IPCEF1: variants seen among roughly 807,000 people sequenced by gnomAD.
IPCEF1 encodes the protein interaction protein for cytohesin exchange factors 1.
Under a neutral mutation model 50.9 loss-of-function variants are expected in IPCEF1, and 31 were observed. The observed-to-expected ratio is 0.61, with a 90% CI of 0.46 to 0.82. The LOEUF (loss-of-function observed/expected upper bound fraction) is 0.82, where lower values mean the gene tolerates loss of function less well. IPCEF1 is among the 40% of genes least tolerant of loss of function. The pLI is 0.00. For missense variants in IPCEF1, 458 were observed against 514.0 expected (o/e 0.89, Z 1.05); for synonymous variants, 181 against 192.0 (o/e 0.94, Z 0.47).
At chr6:154,214,043 T>A (rs946170368) in intron 8 of IPCEF1, among the ~76,000 whole-genome samples, 175 bp downstream of exon 8, 4 of 152,204 alleles carry the variant, frequency 2.6e-5, no homozygotes, top group Non-Finnish European at 5.9e-5. Context: ...CTCTATTCCA[T>A]GTTGGTGAGT....
chr6:154,225,990 C>A (rs1042893663), intron 5 of IPCEF1, among the ~76,000 whole-genome samples: 7 of 152,214 alleles, frequency 4.6e-5, no homozygotes, highest in African/African-American at 1.7e-4. Flanking sequence ...CCCTCTGGAG[C>A]CACCCTGATG....
intron 1 of IPCEF1, among the ~76,000 whole-genome samples, chr6:154,339,475 A>G (rs749387141): frequency 1.3e-4 from 19 of 147,464 alleles, no homozygotes; most frequent in Non-Finnish European, 2.7e-4. Context: ...GCGTCTTGCT[A>G]TATTGCCCAA....
intron 1 of IPCEF1, among the ~76,000 whole-genome samples, chr6:154,298,519 T>C (rs77269592): frequency 1.3e-5 from 2 of 152,202 alleles, no homozygotes; most frequent in African/African-American, 4.8e-5. Flanking sequence ...TATTTGTTCA[T>C]TGAAGAAACA....
Position 154,281,487 on chromosome 6 carries a change from A to G in IPCEF1, c.-18+8226T>C, listed in dbSNP as rs184914918. The stretch of plus-strand genomic sequence containing the variant: ...GTTGCAGTGAGCCATACTGCACTCT[A>G]GCCTGGATAACAATGTGAAAGCTTG... On this transcript the variant is annotated intron_variant, in intron 2 of 11. Coordinates refer to ENST00000367220, the MANE Select transcript of IPCEF1 (RefSeq NM_001130700.2). 2.9e-3 allele frequency among the ~76,000 whole-genome samples: 440 copies of G among 152,290 alleles called. 9 individuals are homozygous for G. The highest frequency in any genetic ancestry group is 6.0e-4 in the Non-Finnish European group (41 of 68,020).
intron 2 of IPCEF1, among the ~76,000 whole-genome samples, chr6:154,288,382 G>A (rs756942141): frequency 2.4e-4 from 36 of 152,252 alleles, no homozygotes; most frequent in Non-Finnish European, 8.8e-5. Context: ...AACTGTGGGC[G>A]GCCGGGCGCG....
At chr6:154,177,446 AAAAC>A (rs1224959863) in intron 10 of IPCEF1, among the ~76,000 whole-genome samples, 5 of 152,228 alleles carry the variant, frequency 3.3e-5, no homozygotes, top group African/African-American at 7.2e-5. Context: ...TTATAAGAAA[AAAAC>A]AAACAACCCC....
At chr6:154,222,955 G>C (rs572414202) in intron 6 of IPCEF1, 1 of 583,274 alleles carries the variant, frequency 1.7e-6, no homozygotes, top group African/African-American at 1.9e-5. Context: ...ACTTCGTGGG[G>C]GTTTTAAAAT....
chr6:154,212,921 A>G, intron 8 of IPCEF1, 66 bp from the exon 9 acceptor site: 1 of 1,115,358 alleles, frequency 9.0e-7, no homozygotes. Context: ...ATGCATGAGC[A>G]GAGGTTTATC....
At position 154,295,273 on chromosome 6, in the gene IPCEF1, C is replaced by T. The variant is rs561376686; in HGVS notation, c.-61-5517G>A. 2.0e-5 allele frequency among the ~76,000 whole-genome samples: 3 copies of T among 152,346 alleles called. No homozygotes were observed. The South Asian group carries it at 6.2e-4, about 32-fold the overall frequency. On this transcript the variant is annotated intron_variant, in intron 1 of 11. Transcript: ENST00000367220. ...TTGTACAGTCATGTGCTAGATGCTG[C>T]TCATGCATTAAGTATTCATTTTCAC...
Position 154,158,572 on chromosome 6 carries a change from A to C in IPCEF1, c.*1256T>G, listed in dbSNP as rs555084722. 96 of 152,308 alleles carry C rather than the reference A, an allele frequency of 6.3e-4. No individual in the cohort carries two copies. Among genetic ancestry groups the C allele is most frequent in the African/African-American group, 2.3e-3 (94 of 41,584 alleles). The allele number at this position is 152,308 out of a possible 1,614,324, so 9.4% of individuals were successfully genotyped here. On this transcript the variant is annotated 3_prime_UTR_variant, in exon 12 of 12. Coordinates refer to ENST00000367220, the MANE Select transcript of IPCEF1 (RefSeq NM_001130700.2). ...GATAGAAATCTAAATTTAAGAGCTCATGGGGGTTGGGGTGGGGAAGAAAAT... is the reference window on the plus strand; with the variant it reads ...GATAGAAATCTAAATTTAAGAGCTCCTGGGGGTTGGGGTGGGGAAGAAAAT...
intron 3 of IPCEF1, among the ~76,000 whole-genome samples, chr6:154,263,403 T>C (rs1328635955): frequency 7.1e-6 from 1 of 140,220 alleles, no homozygotes; most frequent in Non-Finnish European, 1.5e-5. Flanking sequence ...CCTTCCGCAG[T>C]GTTTGTGTCC....
intron 10 of IPCEF1, among the ~76,000 whole-genome samples, chr6:154,172,681 G>A (rs1281157688): frequency 1.3e-5 from 2 of 152,250 alleles, no homozygotes; most frequent in Admixed American, 6.5e-5. Context: ...GGAGCCCACT[G>A]CAGCTCAGCA....
chr6:154,235,400 C>T lies in IPCEF1; in HGVS notation c.246+11191G>A, dbSNP rs549280679. Reference sequence around the variant, plus strand: ...ACAAAAAATTAGCTGGGTGTGGTGGCGGGTGCCTGTAGTCCCAGCTACTCG... The same window carrying T: ...ACAAAAAATTAGCTGGGTGTGGTGGTGGGTGCCTGTAGTCCCAGCTACTCG... On this transcript the variant is annotated intron_variant, in intron 5 of 11. Transcript: ENST00000367220. Among the ~76,000 whole-genome samples the T allele has an allele frequency of 5.2e-3, 796 of 151,904 alleles. 2 individuals carry two copies. The highest frequency in any genetic ancestry group is 0.017 in the African/African-American group (703 of 41,410).
intron 1 of IPCEF1, among the ~76,000 whole-genome samples, chr6:154,352,374 G>A (rs371697163): frequency 1.3e-5 from 2 of 152,150 alleles, no homozygotes; most frequent in African/African-American, 4.8e-5. Flanking sequence ...CTGGGTTTTT[G>A]TTTCTTCAAT....
chr6:154,343,642 T>G (rs1783964800), intron 1 of IPCEF1, among the ~76,000 whole-genome samples: 1 of 152,166 alleles, frequency 6.6e-6, no homozygotes, highest in African/African-American at 2.4e-5. Context: ...ACTCACTCTG[T>G]CTCTAAAATT....
intron 10 of IPCEF1, among the ~76,000 whole-genome samples, chr6:154,178,118 A>G (rs929168735): frequency 6.7e-6 from 1 of 148,618 alleles, no homozygotes; most frequent in African/African-American, 2.5e-5. Flanking sequence ...GGAGGGGAAC[A>G]TCACAGACTG....
chr6:154,179,185 G>A (rs1444847647), intron 10 of IPCEF1, among the ~76,000 whole-genome samples: 3 of 152,158 alleles, frequency 2.0e-5, no homozygotes, highest in Non-Finnish European at 4.4e-5. Context: ...AGGTACAAGT[G>A]CAAAAGAAAA....
At chr6:154,291,655 TTAA>T (rs1174964499) in intron 1 of IPCEF1, among the ~76,000 whole-genome samples, 7 of 151,782 alleles carry the variant, frequency 4.6e-5, no homozygotes, top group Non-Finnish European at 8.8e-5. Context: ...ACTATAGTTA[TTAA>T]TAATGATCAC....
At chr6:154,338,412 C>A (rs989737887) in intron 1 of IPCEF1, among the ~76,000 whole-genome samples, 2 of 152,224 alleles carry the variant, frequency 1.3e-5, no homozygotes, top group Admixed American at 6.5e-5. Context: ...TTAGTGACAA[C>A]TGTTCACAGC....
Sources: gnomAD v4.1 joint callset for allele counts (sites outside exome capture counted in the v4.1 genomes callset) on GRCh38, gnomAD v4.1.1 for gene constraint, MANE v1.5 for transcripts, NCBI Gene and HGNC (gene_info 2026-07-23, HGNC 2026-07-21) for gene names.